MAPK14: variants seen among roughly 807,000 people sequenced by gnomAD.
MAPK14 encodes the protein mitogen-activated protein kinase 14.
In MAPK14, 16 loss-of-function variants were observed where a neutral mutation model predicts 49.6. That is an observed-to-expected ratio of 0.32 (90% confidence interval 0.22 to 0.49). MAPK14 has a LOEUF of 0.49. MAPK14 is among the 20% of genes least tolerant of loss of function. The probability of loss-of-function intolerance (pLI) is 0.99; values close to 1 mark genes in which losing one functional copy is unlikely to be tolerated. For missense variants in MAPK14, 200 were observed against 441.2 expected (o/e 0.45, Z 4.90); for synonymous variants, 142 against 158.0 (o/e 0.90, Z 0.76).
At chr6:36,080,269 G>A (rs757824747) in intron 8 of MAPK14, among the ~76,000 whole-genome samples, 1 of 152,034 alleles carries the variant, frequency 6.6e-6, no homozygotes, top group Non-Finnish European at 1.5e-5. Context: ...ACAATTCAGC[G>A]GCATTAATTA....
intron 1 of MAPK14, among the ~76,000 whole-genome samples, chr6:36,030,596 A>C (rs1247379255): frequency 2.0e-5 from 3 of 148,508 alleles, no homozygotes; most frequent in Non-Finnish European, 4.4e-5. Flanking sequence ...CTGAGGCAGG[A>C]GGATGATTTG....
In MAPK14 at chr6:36,107,731, A is replaced by C. The variant is rs1023923946; in HGVS notation, c.1015+103A>C. On this transcript the variant is annotated intron_variant, in intron 11 of 11. Coordinates refer to ENST00000229794, the MANE Select transcript of MAPK14 (RefSeq NM_139012.3). This position sits in a 1 kb window ranked among gnomAD's most constrained non-coding sequence, Gnocchi z 4.3. ...ACCAACTTGCTAAAGCTTGTAGATG[A>C]GGTCTCTAATGCAGAATGAATATGT... The C allele has an allele frequency of 2.1e-5, 16 of 752,390 alleles. No individual in the cohort carries two copies. Among genetic ancestry groups the C allele is most frequent in the Admixed American group, 6.8e-5 (2 of 29,470 alleles). 46.6% of individuals were successfully genotyped at this position (752,390 alleles called of 1,614,324 possible). A position where few individuals can be genotyped will look rare whatever the true frequency, so the allele number is the denominator to read the frequency against.
chr6:36,038,286 T>G (rs568044519), intron 1 of MAPK14, among the ~76,000 whole-genome samples: 1 of 152,234 alleles, frequency 6.6e-6, no homozygotes, highest in East Asian at 1.9e-4. Context: ...TTAGCAAGTG[T>G]GCAAAAGCCC....
rs41270088 is a variant in MAPK14 at position 36,109,588 on chromosome 6, G to A, written c.*1141G>A. 6.5e-6 allele frequency: 1 copy of A among 152,742 alleles called. No individual in the cohort carries two copies. Among genetic ancestry groups the A allele is most frequent in the Non-Finnish European group, 1.5e-5 (1 of 68,032 alleles). The allele number at this position is 152,742 out of a possible 1,614,324, so 9.5% of individuals were successfully genotyped here. ...AATTGATACTTCAGGTGCTTTTGAT[G>A]TGAAAATCATGAAAAGAGGAACAGG... is the stretch of plus-strand genomic sequence containing the variant. On this transcript the variant is annotated 3_prime_UTR_variant, in exon 12 of 12. Transcript: ENST00000229794.
chr6:36,059,508 T>G (rs1028289865), intron 3 of MAPK14, among the ~76,000 whole-genome samples, 161 bp downstream of exon 3: 2 of 152,232 alleles, frequency 1.3e-5, no homozygotes, highest in African/African-American at 4.8e-5. Context: ...AAGATGTATG[T>G]TATGGGTGGT....
At chr6:36,063,845 A>G (rs1202677807) in intron 3 of MAPK14, among the ~76,000 whole-genome samples, 2 of 152,206 alleles carry the variant, frequency 1.3e-5, no homozygotes, top group Non-Finnish European at 2.9e-5. Flanking sequence ...AAAATTTTGT[A>G]AAGATACAGT....
intron 6 of MAPK14, among the ~76,000 whole-genome samples, 162 bp downstream of exon 6, chr6:36,074,258 C>CT (rs1163616506): frequency 6.6e-6 from 1 of 152,072 alleles, no homozygotes; most frequent in Non-Finnish European, 1.5e-5. Flanking sequence ...TCTGAGTAAG[C>CT]TAAGTGACAT....
chr6:36,093,113 G>A (rs1765303844), intron 8 of MAPK14, among the ~76,000 whole-genome samples: 1 of 152,154 alleles, frequency 6.6e-6, no homozygotes, highest in Non-Finnish European at 1.5e-5. Context: ...GGAGAAGGGG[G>A]AGGTATTCTG....
chr6:36,065,552 T>TGTGTGTGTGTGTGTGTGTGTGTGTGGGG (rs1764021469), intron 3 of MAPK14, among the ~76,000 whole-genome samples: 1 of 45,190 alleles, frequency 2.2e-5, no homozygotes, highest in African/African-American at 6.8e-5. Context: ...GTGTGTTTGG[T>TGTGTGTGTGTGTGTGTGTGTGTGTGGGG]GGGAATAGAG....
intron 5 of MAPK14, 128 bp downstream of exon 5, chr6:36,073,848 G>A (rs1018288491): frequency 9.6e-7 from 1 of 1,039,144 alleles, no homozygotes; most frequent in African/African-American, 1.6e-5. Flanking sequence ...TTTACTGTAG[G>A]TTTAAGCTGA....
intron 3 of MAPK14, among the ~76,000 whole-genome samples, chr6:36,062,813 A>G (rs932051391): frequency 1.3e-5 from 2 of 151,792 alleles, no homozygotes; most frequent in Non-Finnish European, 2.9e-5. Context: ...GCACATCACC[A>G]TGCCTGGTTA....
At chr6:36,097,473 C>A (rs915061111) in intron 9 of MAPK14, 1 of 152,000 alleles carries the variant, frequency 6.6e-6, no homozygotes, top group Non-Finnish European at 1.5e-5. Flanking sequence ...TTAGAAAGAG[C>A]AGTACTTTTT....
chr6:36,087,070 A>G (rs1267002566), intron 8 of MAPK14, among the ~76,000 whole-genome samples: 2 of 152,212 alleles, frequency 1.3e-5, no homozygotes, highest in Non-Finnish European at 2.9e-5. Context: ...ATGGATGCAG[A>G]AAAGGCCTTT....
intron 1 of MAPK14, among the ~76,000 whole-genome samples, chr6:36,031,597 G>A (rs1290291254): frequency 6.6e-6 from 1 of 151,754 alleles, no homozygotes; most frequent in Admixed American, 6.6e-5. Flanking sequence ...TACAGACAGG[G>A]TTTCACCATG....
chr6:36,036,723 T>C (rs1339285549), intron 1 of MAPK14, among the ~76,000 whole-genome samples: 1 of 151,342 alleles, frequency 6.6e-6, no homozygotes, highest in Non-Finnish European at 1.5e-5. Flanking sequence ...TAGCATTTTT[T>C]AGCAAAAAAA....
intron 3 of MAPK14, among the ~76,000 whole-genome samples, chr6:36,065,507 G>GGTGT (rs386358922): frequency 0.057 from 6,963 of 122,472 alleles, 348 homozygotes; most frequent in African/African-American, 0.14. Flanking sequence ...GGGCAGAAAA[G>GGTGT]GTGTGTGTGT....
chr6:36,111,944 C>T (rs926547467), downstream of MAPK14, among the ~76,000 whole-genome samples: 7 of 152,114 alleles, frequency 4.6e-5, no homozygotes, highest in East Asian at 1.9e-4. Context: ...TGGTGGCTCA[C>T]GCCTGTAATC....
intron 8 of MAPK14, among the ~76,000 whole-genome samples, chr6:36,079,806 AATT>A (rs1245202583): frequency 6.6e-6 from 1 of 152,206 alleles, no homozygotes; most frequent in Non-Finnish European, 1.5e-5. Context: ...GCCTGTGGCT[AATT>A]ATTAAGCAAC....
intron 1 of MAPK14, among the ~76,000 whole-genome samples, chr6:36,047,304 G>T (rs1316817501): frequency 6.6e-6 from 1 of 152,134 alleles, no homozygotes; most frequent in Non-Finnish European, 1.5e-5. Context: ...GGTGGGATGG[G>T]GGCGGAGGAG....
Sources: allele counts gnomAD v4.1 joint callset (sites outside exome capture counted in the v4.1 genomes callset), GRCh38; gene constraint gnomAD v4.1.1; non-coding constraint Gnocchi (gnomAD v3.1); transcripts MANE v1.5; gene names NCBI Gene and HGNC (gene_info 2026-07-23, HGNC 2026-07-21).